CERS6: variants seen among roughly 807,000 people sequenced by gnomAD.
CERS6 encodes the protein ceramide synthase 6, also known as LAG1 homolog, ceramide synthase 6.
CERS6 carries 26 observed loss-of-function variants against 56.8 expected under a neutral mutation model. That is an observed-to-expected ratio of 0.46 (90% CI 0.34 to 0.63). CERS6 has a LOEUF of 0.63. Among genes scored for constraint, CERS6 ranks in the 30% least tolerant of loss-of-function variants. CERS6 has a pLI of 0.01. For missense variants in CERS6, 415 were observed against 467.5 expected (o/e 0.89, Z 1.04); for synonymous variants, 164 against 173.3 (o/e 0.95, Z 0.42).
chr2:168,527,596 C>T (rs1695093087), intron 1 of CERS6, among the ~76,000 whole-genome samples: 2 of 152,100 alleles, frequency 1.3e-5, no homozygotes, highest in East Asian at 3.9e-4. Flanking sequence ...CTAGTAAGGG[C>T]CAAGTCTCTG....
intron 1 of CERS6, among the ~76,000 whole-genome samples, chr2:168,491,815 T>C (rs906770433): frequency 6.6e-6 from 1 of 152,128 alleles, no homozygotes; most frequent in African/African-American, 2.4e-5. Context: ...TTTCCCTCCC[T>C]GTGTCCATGT....
At chr2:168,494,359 T>G (rs1401488619) in intron 1 of CERS6, among the ~76,000 whole-genome samples, 1 of 152,164 alleles carries the variant, frequency 6.6e-6, no homozygotes, top group Non-Finnish European at 1.5e-5. Context: ...GTTTATTAGC[T>G]CTTCGACTTT....
At chr2:168,521,135 G>A (rs1694970645) in intron 1 of CERS6, among the ~76,000 whole-genome samples, 1 of 152,194 alleles carries the variant, frequency 6.6e-6, no homozygotes, top group African/African-American at 2.4e-5. Flanking sequence ...TGAGCTGATA[G>A]AATTTGAGAC....
intron 1 of CERS6, among the ~76,000 whole-genome samples, chr2:168,485,744 A>C (rs139045631): frequency 2.6e-5 from 4 of 152,138 alleles, no homozygotes; most frequent in African/African-American, 9.7e-5. Context: ...TTATTCACCT[A>C]TTAAAGGACG....
At chr2:168,708,956 G>A (rs967608625) in intron 6 of CERS6, among the ~76,000 whole-genome samples, 23 of 152,034 alleles carry the variant, frequency 1.5e-4, no homozygotes, top group African/African-American at 5.6e-4. Context: ...TTTTGTTTTT[G>A]TAAAGGCATG....
At chr2:168,597,872 C>T (rs1473088067) in intron 3 of CERS6, among the ~76,000 whole-genome samples, 1 of 152,174 alleles carries the variant, frequency 6.6e-6, no homozygotes, top group Non-Finnish European at 1.5e-5. Context: ...CCTTCTCTTC[C>T]CTCCCGTCTA....
At chr2:168,731,689 C>T (rs751121596) in intron 8 of CERS6, among the ~76,000 whole-genome samples, 8 of 151,872 alleles carry the variant, frequency 5.3e-5, no homozygotes, top group Non-Finnish European at 1.2e-4. Flanking sequence ...TCTGGCATAA[C>T]GATTTTAAAT....
At chr2:168,587,466 G>C (rs1297858277) in intron 3 of CERS6, among the ~76,000 whole-genome samples, 2 of 152,186 alleles carry the variant, frequency 1.3e-5, no homozygotes, top group African/African-American at 4.8e-5. Context: ...TTGAAAATAA[G>C]CGCAGAGCAG....
At position 168,712,643 on chromosome 2, in the gene CERS6, AATAG is replaced by A. The variant is rs1687121923; in HGVS notation, c.610-2354_610-2351del. On this transcript the variant is annotated intron_variant, in intron 6 of 9. Coordinates refer to ENST00000305747, the MANE Select transcript of CERS6 (RefSeq NM_203463.3). The stretch of plus-strand genomic sequence containing the variant: ...TTAAAATATCTTTTTAAATAGTGGT[AATAG>A]ATAAGAAGAAGCTACTAATTTTTAC... Among the ~76,000 whole-genome samples, 6 of 152,332 alleles carry A rather than the reference AATAG, an allele frequency of 3.9e-5. No individual in the cohort carries two copies. In the South Asian group the frequency reaches 1.2e-3, roughly 32 times the overall value.
At chr2:168,654,019 G>A (rs758109577) in intron 4 of CERS6, among the ~76,000 whole-genome samples, 6 of 152,064 alleles carry the variant, frequency 3.9e-5, no homozygotes, top group Non-Finnish European at 8.8e-5. Context: ...GAAACTTTTG[G>A]TTTTAGATTA....
chr2:168,551,982 G>T (rs1695581491), intron 2 of CERS6, among the ~76,000 whole-genome samples: 1 of 152,058 alleles, frequency 6.6e-6, no homozygotes, highest in Non-Finnish European at 1.5e-5. Flanking sequence ...AATCAAATCA[G>T]TGCTTAAGCC....
intron 6 of CERS6, among the ~76,000 whole-genome samples, chr2:168,704,991 G>T (rs536407907): frequency 6.6e-6 from 1 of 152,260 alleles, no homozygotes; most frequent in African/African-American, 2.4e-5. Flanking sequence ...TTTCCAAAGT[G>T]TCTCCTCTTT....
intron 4 of CERS6, among the ~76,000 whole-genome samples, chr2:168,632,171 C>T (rs887952861): frequency 6.6e-6 from 1 of 151,848 alleles, no homozygotes; most frequent in Non-Finnish European, 1.5e-5. Context: ...TAGTCGTACA[C>T]ATATTAACAA....
chr2:168,659,082 A>G (rs536833708), intron 4 of CERS6, among the ~76,000 whole-genome samples: 1 of 152,350 alleles, frequency 6.6e-6, no homozygotes, highest in East Asian at 1.9e-4. Flanking sequence ...TCCCTGAGCA[A>G]ATTGCTCTGC....
intron 1 of CERS6, among the ~76,000 whole-genome samples, chr2:168,502,171 G>A (rs1428306981): frequency 2.0e-5 from 3 of 152,070 alleles, no homozygotes; most frequent in Non-Finnish European, 2.9e-5. Flanking sequence ...GGATCATTTT[G>A]TCTGGATTCC....
chr2:168,761,608 T>G lies in CERS6; in HGVS notation c.846-3984T>G, dbSNP rs187872697. Among the ~76,000 whole-genome samples, 260 of 152,320 alleles carry G rather than the reference T, an allele frequency of 1.7e-3. 1 individual carries two copies. Among genetic ancestry groups the G allele is most frequent in the Middle Eastern group, 3.4e-3 (1 of 294 alleles). ...TTATTCTTATTATTCCAGAGCTTTC[T>G]TCTTCATATTTATTGGATTGTTGGA... On this transcript the variant is annotated intron_variant, in intron 8 of 9. Coordinates refer to ENST00000305747, the MANE Select transcript of CERS6 (RefSeq NM_203463.3).
At chr2:168,493,739 T>C (rs1057016325) in intron 1 of CERS6, among the ~76,000 whole-genome samples, 4 of 152,086 alleles carry the variant, frequency 2.6e-5, no homozygotes, top group Admixed American at 2.0e-4. Context: ...ATTGTCAAAG[T>C]GATAAGACCA....
intron 6 of CERS6, among the ~76,000 whole-genome samples, chr2:168,713,867 C>T (rs777793412): frequency 3.3e-5 from 5 of 151,892 alleles, no homozygotes; most frequent in Non-Finnish European, 4.4e-5. Flanking sequence ...CAGGCGTATT[C>T]TGGGAGAAGG....
rs117029135 is a variant in CERS6, at chr2:168,761,215, C to T, written c.846-4377C>T. On this transcript the variant is annotated intron_variant, in intron 8 of 9. Coordinates refer to ENST00000305747, the MANE Select transcript of CERS6 (RefSeq NM_203463.3). ...CAAGTGTCTCTACAGGAAGCCAAGT[C>T]GATTTTCAAAGAAAATCCCATTACT... 3.3e-5 allele frequency among the ~76,000 whole-genome samples: 5 copies of T among 152,218 alleles called. No individual in the cohort carries two copies. The East Asian group carries it at 5.8e-4, about 18-fold the overall frequency.
Sources: allele counts gnomAD v4.1 joint callset (sites outside exome capture counted in the v4.1 genomes callset), GRCh38; gene constraint gnomAD v4.1.1; transcripts MANE v1.5; gene names NCBI Gene and HGNC (gene_info 2026-07-23, HGNC 2026-07-21).